The following TMPRSS11D variants were observed in gnomAD, a reference collection of about 807,000 sequenced individuals.
The protein encoded by TMPRSS11D is transmembrane serine protease 11D, also known as transmembrane protease serine 11D.
Under a neutral mutation model 44.4 loss-of-function variants are expected in TMPRSS11D, and 32 were observed. The observed-to-expected ratio is 0.72, with a 90% CI of 0.54 to 0.97. The LOEUF is 0.97. Among genes scored for constraint, TMPRSS11D ranks in the 50% least tolerant of loss-of-function variants. The pLI is 0.00. For missense variants in TMPRSS11D, 446 were observed against 502.6 expected (o/e 0.89, Z 1.08); for synonymous variants, 179 against 177.9 (o/e 1.01, Z -0.05).
In TMPRSS11D at chr4:67,822,438, T is replaced by A; in HGVS notation, c.1156A>T (p.Ile386Leu). 6.2e-7 allele frequency: 1 copy of A among 1,613,750 alleles called. No homozygotes were observed. Among genetic ancestry groups the A allele is most frequent in the African/African-American group, 1.3e-5 (1 of 74,980 alleles). ...DSRRLWFIVG[I>L]VSWGDQCGLP... is the part of the protein sequence containing the mutation. ...CCACACTGATCTCCCCAGCTTACTA[T>A]CCCCACAATAAACCAAAGCCGCCGT... Residue 386 changes from isoleucine (I) to leucine (L), a missense_variant, in exon 10 of 10, where the codon ATA becomes TTA. Ile to Leu is a conservative substitution (Grantham distance 5). Coordinates refer to ENST00000283916, the MANE Select transcript of TMPRSS11D (RefSeq NM_004262.3).
chr4:67,883,764 G>T (rs1378292767), intron 1 of TMPRSS11D, among the ~76,000 whole-genome samples, 162 bp downstream of exon 1: 2 of 151,960 alleles, frequency 1.3e-5, no homozygotes, highest in Non-Finnish European at 2.9e-5. Flanking sequence ...ATAATATCAA[G>T]CATATTATCT....
intron 1 of TMPRSS11D, among the ~76,000 whole-genome samples, chr4:67,863,706 G>A (rs892141512): frequency 1.4e-5 from 2 of 143,858 alleles, no homozygotes; most frequent in East Asian, 2.1e-4. Context: ...CACATTAATC[G>A]TAACTATTTT....
At chr4:67,853,125 A>C in intron 3 of TMPRSS11D, among the ~76,000 whole-genome samples, 1 of 152,208 alleles carries the variant, frequency 6.6e-6, no homozygotes. Context: ...TGCTTAGCTA[A>C]CAAGTTTGAA....
At chr4:67,880,248 C>A (rs1429942235) in intron 1 of TMPRSS11D, among the ~76,000 whole-genome samples, 1 of 151,994 alleles carries the variant, frequency 6.6e-6, no homozygotes, top group Non-Finnish European at 1.5e-5. Flanking sequence ...AAGAGGTTCA[C>A]TTTTTAAAAT....
At chr4:67,824,127 A>G (rs953557942) in intron 9 of TMPRSS11D, among the ~76,000 whole-genome samples, 2 of 115,550 alleles carry the variant, frequency 1.7e-5, no homozygotes, top group Admixed American at 2.2e-4. Flanking sequence ...GCTCTTATGT[A>G]AAGTGCTGTG....
At chr4:67,867,668 G>A (rs1718958112) in intron 1 of TMPRSS11D, among the ~76,000 whole-genome samples, 1 of 151,944 alleles carries the variant, frequency 6.6e-6, no homozygotes, top group Admixed American at 6.6e-5. Flanking sequence ...GTGGGCTAAG[G>A]ACATGAATAG....
At chr4:67,868,404 C>T (rs1178436418) in intron 1 of TMPRSS11D, among the ~76,000 whole-genome samples, 1 of 152,136 alleles carries the variant, frequency 6.6e-6, no homozygotes, top group Non-Finnish European at 1.5e-5. Flanking sequence ...GCAATACCTC[C>T]ATGTAACAAA....
intron 1 of TMPRSS11D, among the ~76,000 whole-genome samples, chr4:67,882,529 C>T (rs574104563): frequency 5.6e-4 from 85 of 152,262 alleles, no homozygotes; most frequent in Non-Finnish European, 1.0e-3. Context: ...AATTGTACAA[C>T]TCTTTCAGGA....
At chr4:67,825,970 T>G in intron 8 of TMPRSS11D, 96 bp from the exon 9 acceptor site, 2 of 1,333,372 alleles carry the variant, frequency 1.5e-6, no homozygotes, top group Non-Finnish European at 2.0e-6. Context: ...ACTCCAAACA[T>G]TATTTCATAT....
chr4:67,879,486 A>G (rs569172740), intron 1 of TMPRSS11D, among the ~76,000 whole-genome samples: 2 of 151,426 alleles, frequency 1.3e-5, no homozygotes, highest in Admixed American at 6.6e-5. Context: ...AAAAAAAAAA[A>G]AAAGAAAAGC....
chr4:67,846,005 T>C lies in TMPRSS11D; in HGVS notation c.250-3380A>G, dbSNP rs572352732. ...ATTAATCACCTTCTTTAGTGCATTA[T>C]TACTTGATAGTTATAGCTTTGCTCA... On this transcript the variant is annotated intron_variant, in intron 3 of 9. Transcript: ENST00000283916. Among the ~76,000 whole-genome samples the C allele has an allele frequency of 4.8e-4, 73 of 152,318 alleles. No homozygotes were observed. The South Asian group carries it at 0.015, about 32-fold the overall frequency.
chr4:67,830,086 A>G (rs1577804457), intron 7 of TMPRSS11D, among the ~76,000 whole-genome samples: 1 of 152,228 alleles, frequency 6.6e-6, no homozygotes, highest in Non-Finnish European at 1.5e-5. Flanking sequence ...GCTGCATACC[A>G]TGGGGTGCTA....
At chr4:67,850,466 G>C (rs892641517) in intron 3 of TMPRSS11D, among the ~76,000 whole-genome samples, 1 of 149,692 alleles carries the variant, frequency 6.7e-6, no homozygotes, top group East Asian at 2.0e-4. Flanking sequence ...AAAGGGTCCC[G>C]AGTTAGGAAG....
At chr4:67,879,867 C>T (rs1416620594) in intron 1 of TMPRSS11D, among the ~76,000 whole-genome samples, 2 of 152,184 alleles carry the variant, frequency 1.3e-5, no homozygotes, top group African/African-American at 4.8e-5. Context: ...CCGTGTAAGA[C>T]TATTCAGTGC....
intron 1 of TMPRSS11D, among the ~76,000 whole-genome samples, chr4:67,861,292 G>C (rs962711513): frequency 1.3e-5 from 2 of 152,098 alleles, no homozygotes; most frequent in Admixed American, 6.6e-5. Context: ...TTTGACATTT[G>C]CTAACTATTT....
At chr4:67,878,709 A>G (rs191046306) in intron 1 of TMPRSS11D, among the ~76,000 whole-genome samples, 174 of 152,262 alleles carry the variant, frequency 1.1e-3, no homozygotes, top group Non-Finnish European at 1.9e-3. Flanking sequence ...GCAGATCATG[A>G]GGTCAGGAGT....
intron 3 of TMPRSS11D, among the ~76,000 whole-genome samples, chr4:67,842,919 T>G (rs1718265842): frequency 6.6e-6 from 1 of 152,180 alleles, no homozygotes; most frequent in African/African-American, 2.4e-5. Context: ...TTATGTTATA[T>G]GGCTTGGTGG....
intron 1 of TMPRSS11D, among the ~76,000 whole-genome samples, chr4:67,870,414 TG>T (rs1224159256): frequency 6.6e-6 from 1 of 152,228 alleles, no homozygotes; most frequent in Non-Finnish European, 1.5e-5. Flanking sequence ...TCCGTCTGCC[TG>T]GAACACTCTT....
chr4:67,825,581 A>G, intron 9 of TMPRSS11D, 151 bp downstream of exon 9: 2 of 941,348 alleles, frequency 2.1e-6, no homozygotes, highest in Non-Finnish European at 2.9e-6. Flanking sequence ...CATTCATAAA[A>G]AAATTTATTT....
Sources: gnomAD v4.1 joint callset for allele counts (sites outside exome capture counted in the v4.1 genomes callset) on GRCh38, gnomAD v4.1.1 for gene constraint, MANE v1.5 for transcripts, NCBI Gene and HGNC (gene_info 2026-07-23, HGNC 2026-07-21) for gene names.